Variants in CPNE5 observed in about 807,000 individuals in gnomAD.
CPNE5 encodes copine 5, also known as copine-5.
Under a neutral mutation model 81.1 loss-of-function variants are expected in CPNE5, and 42 were observed. The ratio of observed to expected loss-of-function variants is 0.52; its 90% confidence interval spans 0.40 to 0.67. The LOEUF is 0.67. Ranked by LOEUF, CPNE5 falls within the 30% of genes least tolerant of loss-of-function variation. The pLI, the probability that CPNE5 is intolerant of heterozygous loss-of-function variation, is 0.00. For synonymous variants in CPNE5, 313 were observed against 321.5 expected (o/e 0.97, Z 0.28); for missense variants, 612 against 815.5 (o/e 0.75, Z 3.04).
rs146465069 is a variant in CPNE5 at position 36,796,509 on chromosome 6, T to C, written c.404+1656A>G. ...CAGGTAAAGCCACGGGTGGGGGTGC[T>C]GCTGGAAAGAGCAGATGCTAATGGG... On this transcript the variant is annotated intron_variant, in intron 6 of 20. Coordinates refer to ENST00000244751, the MANE Select transcript of CPNE5 (RefSeq NM_020939.2). Among the ~76,000 whole-genome samples the C allele has an allele frequency of 3.9e-3, 590 of 152,350 alleles. 3 individuals carry two copies. The highest frequency in any genetic ancestry group is 0.013 in the African/African-American group (527 of 41,586).
intron 7 of CPNE5, among the ~76,000 whole-genome samples, chr6:36,793,901 C>T (rs937026300): frequency 2.0e-5 from 3 of 152,244 alleles, no homozygotes; most frequent in Non-Finnish European, 4.4e-5. Flanking sequence ...TGCACACCCC[C>T]ACCTCCAGCC....
intron 1 of CPNE5, among the ~76,000 whole-genome samples, chr6:36,824,508 C>T (rs1583025919): frequency 1.3e-5 from 2 of 152,240 alleles, no homozygotes; most frequent in East Asian, 3.8e-4. Flanking sequence ...TGTCCCGCCT[C>T]CCTTCCGGAG....
At chr6:36,831,553 C>T (rs1407346311) in intron 1 of CPNE5, among the ~76,000 whole-genome samples, 2 of 142,470 alleles carry the variant, frequency 1.4e-5, no homozygotes, top group Non-Finnish European at 3.0e-5. Context: ...GGGGTTTCAC[C>T]ATGTTGGCCA....
chr6:36,746,167 A>C lies in CPNE5; in HGVS notation c.1200+229T>G. 1 of 985,376 alleles carries C rather than the reference A, an allele frequency of 1.0e-6. No homozygotes were observed. The highest frequency in any genetic ancestry group is 1.2e-6 in the Non-Finnish European group (1 of 829,894). The allele number at this position is 985,376 out of a possible 1,614,324, so 61.0% of individuals were successfully genotyped here. On this transcript the variant is annotated intron_variant, in intron 16 of 20. Coordinates refer to ENST00000244751, the MANE Select transcript of CPNE5 (RefSeq NM_020939.2). This position sits in a 1 kb window ranked among gnomAD's most constrained non-coding sequence, Gnocchi z 4.5. Reference sequence around the variant, plus strand: ...ACCTGCGTCTTGTCAGGAACAAGGAAGCCAGGGCCAGCTGTGGGCAGGCAG... The same window carrying C: ...ACCTGCGTCTTGTCAGGAACAAGGACGCCAGGGCCAGCTGTGGGCAGGCAG...
intron 12 of CPNE5, among the ~76,000 whole-genome samples, chr6:36,762,562 T>C (rs1766151362): frequency 6.6e-6 from 1 of 152,148 alleles, no homozygotes; most frequent in South Asian, 2.1e-4. Context: ...CAAGGCCACC[T>C]CGAACTCAGG....
chr6:36,809,869 G>A (rs187476052), intron 3 of CPNE5, among the ~76,000 whole-genome samples: 38 of 151,488 alleles, frequency 2.5e-4, no homozygotes, highest in African/African-American at 9.0e-4. Flanking sequence ...CCTTCCACCC[G>A]ATCCTCCTCC....
intron 13 of CPNE5, chr6:36,755,255 C>A (rs1765294745): frequency 6.6e-6 from 1 of 152,192 alleles, no homozygotes; most frequent in African/African-American, 2.4e-5. Flanking sequence ...CCAGGCTTGG[C>A]TGCACTAGCC....
rs200129302 is a variant in CPNE5, at chr6:36,798,122, C to T, written c.404+43G>A. 31 of 1,504,566 alleles carry T rather than the reference C, an allele frequency of 2.1e-5. No individual in the cohort carries two copies. The East Asian group carries it at 3.7e-4, about 18-fold the overall frequency. 93.2% of individuals were successfully genotyped at this position (1,504,566 alleles called of 1,614,324 possible). On this transcript the variant is annotated intron_variant, in intron 6 of 20. Coordinates refer to ENST00000244751, the MANE Select transcript of CPNE5 (RefSeq NM_020939.2). ...CTGAGCCAGCCCCCAGCAGAATGGG[C>T]GGGAAGTTGGCCTACCACTGGGAAA...
rs746303116 is a variant in CPNE5 at position 36,839,247 on chromosome 6, G to A, written c.95+36C>T. 4.1e-6 allele frequency: 6 copies of A among 1,457,662 alleles called. No individual in the cohort carries two copies. The highest frequency in any genetic ancestry group is 1.4e-5 in the African/African-American group (1 of 70,608). The allele number at this position is 1,457,662 out of a possible 1,614,324, so 90.3% of individuals were successfully genotyped here. ...GGGGCCGCGGGGCTCTGCGTCCAGG[G>A]CCGGGGCAAGGGGACCCGGCCAGCG... On this transcript the variant is annotated intron_variant, in intron 1 of 20. Coordinates refer to ENST00000244751, the MANE Select transcript of CPNE5 (RefSeq NM_020939.2). The surrounding 1 kb of genome is among the most constrained non-coding windows in gnomAD (Gnocchi z 7.3).
At chr6:36,751,113 C>T (rs1764770988) in intron 14 of CPNE5, among the ~76,000 whole-genome samples, 1 of 152,204 alleles carries the variant, frequency 6.6e-6, no homozygotes, top group Non-Finnish European at 1.5e-5. Flanking sequence ...GCATGCATGC[C>T]AGGCTCTCAG....
intron 1 of CPNE5, among the ~76,000 whole-genome samples, chr6:36,823,488 CA>C (rs1720452651): frequency 1.3e-5 from 2 of 152,194 alleles, no homozygotes; most frequent in Admixed American, 6.5e-5. Context: ...ATAAAGCAAT[CA>C]AAACATATCC....
intron 3 of CPNE5, among the ~76,000 whole-genome samples, chr6:36,821,579 A>T (rs952500756): frequency 5.3e-5 from 8 of 151,916 alleles, no homozygotes; most frequent in Non-Finnish European, 7.4e-5. Flanking sequence ...TGGGGAGGGG[A>T]CTGGAAATGA....
intron 11 of CPNE5, among the ~76,000 whole-genome samples, chr6:36,764,087 C>A (rs59617848): frequency 7.8e-6 from 1 of 127,406 alleles, no homozygotes; most frequent in Non-Finnish European, 1.8e-5. Context: ...CCCACCCCCC[C>A]ACCCCCCACC....
intron 14 of CPNE5, among the ~76,000 whole-genome samples, chr6:36,750,149 ACT>A (rs1232342886): frequency 6.6e-6 from 1 of 152,142 alleles, no homozygotes; most frequent in Non-Finnish European, 1.5e-5. Flanking sequence ...GCTGGGGAAA[ACT>A]CTGTTCTAGT....
intron 9 of CPNE5, among the ~76,000 whole-genome samples, chr6:36,777,290 G>C (rs1767595746): frequency 6.6e-6 from 1 of 151,740 alleles, no homozygotes; most frequent in South Asian, 2.1e-4. Context: ...CACAGCTCCA[G>C]GGTGGGAGCT....
intron 8 of CPNE5, among the ~76,000 whole-genome samples, chr6:36,786,740 G>A (rs972268492): frequency 2.0e-5 from 3 of 152,110 alleles, no homozygotes; most frequent in Middle Eastern, 6.3e-3. Context: ...AATGATACAG[G>A]AAAAGGCAGG....
At chr6:36,774,784 A>G (rs1337962590) in intron 10 of CPNE5, among the ~76,000 whole-genome samples, 177 bp downstream of exon 10, 1 of 152,216 alleles carries the variant, frequency 6.6e-6, no homozygotes, top group Non-Finnish European at 1.5e-5. Flanking sequence ...GCAGGGAAAG[A>G]GTGGAGGGGC....
intron 3 of CPNE5, among the ~76,000 whole-genome samples, chr6:36,813,615 A>G (rs945835033): frequency 1.6e-4 from 24 of 152,214 alleles, no homozygotes; most frequent in African/African-American, 4.3e-4. Flanking sequence ...CTGAAGCCCT[A>G]CAGGATCTGA....
At chr6:36,801,665 T>C (rs1339295618) in intron 3 of CPNE5, among the ~76,000 whole-genome samples, 1 of 152,166 alleles carries the variant, frequency 6.6e-6, no homozygotes, top group African/African-American at 2.4e-5. Flanking sequence ...ACAACATGGG[T>C]GCACCTTGAG....
Sources: gnomAD v4.1 joint callset for allele counts (sites outside exome capture counted in the v4.1 genomes callset) on GRCh38, gnomAD v4.1.1 for gene constraint, Gnocchi (gnomAD v3.1) non-coding constraint, MANE v1.5 for transcripts, NCBI Gene and HGNC (gene_info 2026-07-23, HGNC 2026-07-21) for gene names.